The following UBR3 variants were observed in gnomAD, a reference collection of about 807,000 sequenced individuals.
The protein encoded by UBR3 is E3 ubiquitin-protein ligase UBR3.
Under a neutral mutation model 243.2 loss-of-function variants are expected in UBR3, and 85 were observed. The observed-to-expected ratio is 0.35, with a 90% CI of 0.29 to 0.42. The LOEUF is 0.42. UBR3 is among the 10% of genes least tolerant of loss of function. UBR3 has a pLI of 1.00. For synonymous variants in UBR3, 748 were observed against 799.8 expected (o/e 0.94, Z 1.09); for missense variants, 1,686 against 2,300.8 (o/e 0.73, Z 5.47).
At chr2:169,968,048 T>A (rs1320950086) in intron 24 of UBR3, among the ~76,000 whole-genome samples, 1 of 151,996 alleles carries the variant, frequency 6.6e-6, no homozygotes, top group Admixed American at 6.6e-5. Context: ...AGAGATACTC[T>A]TCATTCTTTT....
At chr2:169,956,777 G>A (rs888931852) in intron 23 of UBR3, among the ~76,000 whole-genome samples, 1 of 152,094 alleles carries the variant, frequency 6.6e-6, no homozygotes, top group Non-Finnish European at 1.5e-5. Flanking sequence ...AAAAATTACT[G>A]TATTTCATTC....
chr2:169,986,165 T>TA (rs1230204603), intron 24 of UBR3, among the ~76,000 whole-genome samples: 1 of 152,214 alleles, frequency 6.6e-6, no homozygotes, highest in Non-Finnish European at 1.5e-5. Context: ...ATTTCTGAGA[T>TA]ATAATCACTA....
At chr2:169,943,037 TC>T (rs2086651018) in intron 20 of UBR3, among the ~76,000 whole-genome samples, 1 of 152,156 alleles carries the variant, frequency 6.6e-6, no homozygotes, top group African/African-American at 2.4e-5. Context: ...TTTTGCTTTT[TC>T]CCTCTAATCA....
At chr2:169,834,885 G>C (rs2082037256) in intron 1 of UBR3, among the ~76,000 whole-genome samples, 1 of 152,186 alleles carries the variant, frequency 6.6e-6, no homozygotes, top group African/African-American at 2.4e-5. Context: ...AAACCTTGAA[G>C]ACCTTATGCC....
intron 25 of UBR3, 40 bp downstream of exon 25, chr2:169,986,834 C>T (rs150090818): frequency 1.2e-6 from 2 of 1,602,858 alleles, no homozygotes; most frequent in Admixed American, 3.3e-5. Context: ...CATTTTAGAG[C>T]TGAAGTATAT....
At chr2:169,872,406 C>T in intron 2 of UBR3, 31 bp downstream of exon 2, 1 of 1,372,134 alleles carries the variant, frequency 7.3e-7, no homozygotes, top group Non-Finnish European at 9.8e-7. Context: ...TGTTAGTACT[C>T]TTTTTAAATT....
At chr2:170,063,832 G>C (rs1406879639) in intron 35 of UBR3, among the ~76,000 whole-genome samples, 2 of 152,230 alleles carry the variant, frequency 1.3e-5, no homozygotes, top group East Asian at 3.9e-4. Flanking sequence ...CTAATATGTT[G>C]TATATTGTAA....
chr2:170,053,910 G>T lies in UBR3; in HGVS notation c.4661-1550G>T, dbSNP rs776145469. On this transcript the variant is annotated intron_variant, in intron 32 of 38. Coordinates refer to ENST00000272793, the MANE Select transcript of UBR3 (RefSeq NM_172070.4). ...TCAGACCTGGGTGCTTATTAGCTTT[G>T]ATATCACAAGCACATCTTTCTGAAG... 1.3e-5 allele frequency among the ~76,000 whole-genome samples: 2 copies of T among 152,130 alleles called. 1 individual carries two copies. Among genetic ancestry groups the T allele is most frequent in the Non-Finnish European group, 2.9e-5 (2 of 68,006 alleles).
intron 25 of UBR3, 76 bp downstream of exon 25, chr2:169,986,870 T>G: frequency 1.4e-6 from 2 of 1,457,996 alleles, no homozygotes; most frequent in Non-Finnish European, 1.9e-6. Flanking sequence ...ATATCTGTAT[T>G]AAATGAAAAT....
Position 169,905,732 on chromosome 2 carries a change from C to T in UBR3, c.1646-299C>T, listed in dbSNP as rs578252487. ...TGAAATCTATTGTCTGAGAAAGATT[C>T]GTAACACGTAAAGCTTTCAACTAAC... On this transcript the variant is annotated intron_variant, in intron 9 of 38. Coordinates refer to ENST00000272793, the MANE Select transcript of UBR3 (RefSeq NM_172070.4). Among the ~76,000 whole-genome samples the T allele has an allele frequency of 8.0e-4, 122 of 152,174 alleles. No individual in the cohort carries two copies. The South Asian group carries it at 0.016, about 20-fold the overall frequency.
chr2:169,861,303 A>G (rs1271312588), intron 1 of UBR3, among the ~76,000 whole-genome samples: 2 of 151,996 alleles, frequency 1.3e-5, no homozygotes, highest in East Asian at 3.9e-4. Flanking sequence ...CTTTTTTCCT[A>G]CTCGTCTTTT....
At chr2:170,051,725 CA>C (rs1008257543) in intron 32 of UBR3, among the ~76,000 whole-genome samples, 15 of 152,258 alleles carry the variant, frequency 9.9e-5, no homozygotes, top group African/African-American at 3.6e-4. Context: ...TGTTTCTACA[CA>C]ATATAAATGA....
chr2:170,016,357 C>T (rs2090235705), intron 30 of UBR3, among the ~76,000 whole-genome samples: 1 of 151,638 alleles, frequency 6.6e-6, no homozygotes. Context: ...TCACTTTATT[C>T]CTAGAACTTA....
In UBR3 at chr2:170,067,689, CAG is replaced by C. The variant is rs543709374; in HGVS notation, c.5020-5737_5020-5736del. Among the ~76,000 whole-genome samples, 23 of 151,698 alleles carry C rather than the reference CAG, an allele frequency of 1.5e-4. 1 individual carries two copies. The East Asian group carries it at 4.3e-3, about 28-fold the overall frequency. ...ACAGAATTAAATTAGAAATTAATAA[CAG>C]ATAGAAAATCATCAAATCTGTGATA... is the stretch of plus-strand genomic sequence containing the variant. On this transcript the variant is annotated intron_variant, in intron 35 of 38. Coordinates refer to ENST00000272793, the MANE Select transcript of UBR3 (RefSeq NM_172070.4).
At chr2:169,952,980 C>T (rs909895674) in intron 23 of UBR3, among the ~76,000 whole-genome samples, 2 of 152,040 alleles carry the variant, frequency 1.3e-5, no homozygotes, top group Admixed American at 6.6e-5. Flanking sequence ...TCAGATCCTT[C>T]TTTCTGTTAT....
intron 25 of UBR3, among the ~76,000 whole-genome samples, chr2:169,988,827 A>G (rs1413951414): frequency 8.5e-5 from 13 of 152,122 alleles, no homozygotes; most frequent in Non-Finnish European, 1.8e-4. Context: ...AGAAACTGAC[A>G]TTAAAGAGTA....
Position 169,875,808 on chromosome 2 carries a change from GA to G in UBR3, c.707del (p.Lys236ArgfsTer17). On this transcript the variant is annotated frameshift_variant, in exon 3 of 39. Transcript: ENST00000272793. LOFTEE classifies it high-confidence loss of function. Reference sequence around the variant, plus strand: ...TCTTTTAGCAGCTGATGGACCATCAGAAAAGGACCTTAACAAAGTCCTTCAG... The same window carrying G: ...TCTTTTAGCAGCTGATGGACCATCAGAAAGGACCTTAACAAAGTCCTTCAG... ...YNEPAADGPS[E>X]KDLNKVLQLL... The G allele has an allele frequency of 1.3e-6, 2 of 1,534,980 alleles. No homozygotes were observed. Among genetic ancestry groups the G allele is most frequent in the Non-Finnish European group, 1.8e-6 (2 of 1,141,848 alleles).
At chr2:170,056,609 A>G (rs926897292) in intron 33 of UBR3, among the ~76,000 whole-genome samples, 6 of 152,180 alleles carry the variant, frequency 3.9e-5, no homozygotes, top group African/African-American at 9.6e-5. Context: ...GAACCTTTTG[A>G]TTGGCTCACA....
At chr2:169,863,175 C>T (rs2083146918) in intron 1 of UBR3, among the ~76,000 whole-genome samples, 1 of 152,174 alleles carries the variant, frequency 6.6e-6, no homozygotes, top group Admixed American at 6.5e-5. Flanking sequence ...TTTGTTTCCT[C>T]TCTCCTCTAC....
Sources: allele counts gnomAD v4.1 joint callset (sites outside exome capture counted in the v4.1 genomes callset), GRCh38; gene constraint gnomAD v4.1.1; transcripts MANE v1.5; gene names NCBI Gene and HGNC (gene_info 2026-07-23, HGNC 2026-07-21).